TIAM2: variants seen among roughly 807,000 people sequenced by gnomAD.
TIAM2 encodes TIAM Rac1 associated GEF 2.
TIAM2 carries 80 observed loss-of-function variants against 152.9 expected under a neutral mutation model. The ratio of observed to expected loss-of-function variants is 0.52; its 90% confidence interval spans 0.44 to 0.63. The LOEUF is 0.63. Ranked by LOEUF, TIAM2 falls within the 30% of genes least tolerant of loss-of-function variation. The probability of loss-of-function intolerance (pLI) is 0.00; values close to 1 mark genes in which losing one functional copy is unlikely to be tolerated. For synonymous variants in TIAM2, 804 were observed against 838.0 expected, an observed-to-expected ratio of 0.96 and a Z score of 0.70; for missense variants, 1,965 against 2,120.1, an observed-to-expected ratio of 0.93 and a Z score of 1.44.
intron 1 of TIAM2, among the ~76,000 whole-genome samples, chr6:155,039,873 A>G (rs1262606719): frequency 6.6e-6 from 1 of 152,256 alleles, no homozygotes; most frequent in Non-Finnish European, 1.5e-5. Flanking sequence ...AGTGTGTTAA[A>G]TTCAGAAGAC....
chr6:155,223,547 T>C (rs1782133319), intron 15 of TIAM2, among the ~76,000 whole-genome samples: 1 of 142,694 alleles, frequency 7.0e-6, no homozygotes, highest in Non-Finnish European at 1.5e-5. Context: ...TTTTTTTTAC[T>C]CTGCACTTCA....
At chr6:155,064,479 G>C (rs1215558226) in intron 1 of TIAM2, among the ~76,000 whole-genome samples, 1 of 152,170 alleles carries the variant, frequency 6.6e-6, no homozygotes, top group Admixed American at 6.5e-5. Flanking sequence ...GTTTGAGCTG[G>C]AATTTGGCCT....
chr6:155,002,693 A>T (rs1778332253), intron 1 of TIAM2, among the ~76,000 whole-genome samples: 1 of 151,722 alleles, frequency 6.6e-6, no homozygotes, highest in Non-Finnish European at 1.5e-5. Context: ...TTATTTATTT[A>T]TTTTTGACAC....
In TIAM2 at chr6:155,100,865, A is replaced by G. The variant is rs141064300; in HGVS notation, c.-118+10486A>G. Among the ~76,000 whole-genome samples, 1,111 of 152,302 alleles carry G rather than the reference A, an allele frequency of 7.3e-3. 16 individuals carry two copies. Among genetic ancestry groups the G allele is most frequent in the African/African-American group, 0.025 (1,041 of 41,560 alleles). On this transcript the variant is annotated intron_variant, in intron 2 of 26. Coordinates refer to ENST00000682666, the MANE Select transcript of TIAM2 (RefSeq NM_012454.4). ...AGTGTCACATACGAAACTGAGGCGC[A>G]GAGAAATTAAATGATGTGTCCAGTG...
chr6:155,220,744 TAATC>T (rs1205285012), intron 15 of TIAM2, among the ~76,000 whole-genome samples: 6 of 152,214 alleles, frequency 3.9e-5, no homozygotes, highest in African/African-American at 1.4e-4. Context: ...TTATAGAAAA[TAATC>T]AAGCGTGTCT....
At chr6:155,031,682 C>G (rs1255044949) in intron 1 of TIAM2, among the ~76,000 whole-genome samples, 3 of 152,112 alleles carry the variant, frequency 2.0e-5, no homozygotes, top group Non-Finnish European at 4.4e-5. Flanking sequence ...TGAGATCACA[C>G]CATTGCACTC....
intron 1 of TIAM2, among the ~76,000 whole-genome samples, chr6:155,083,492 G>A (rs962788513): frequency 9.2e-5 from 14 of 152,130 alleles, no homozygotes; most frequent in Admixed American, 2.0e-4. Context: ...TTTCTAATGT[G>A]CAATGTGATT....
At chr6:155,237,141 A>T (rs1782804734) in intron 15 of TIAM2, among the ~76,000 whole-genome samples, 1 of 152,244 alleles carries the variant, frequency 6.6e-6, no homozygotes, top group Admixed American at 6.5e-5. Flanking sequence ...GGGTAAATAC[A>T]GCCATTCCAA....
chr6:155,063,273 A>G (rs1370290752), intron 1 of TIAM2, among the ~76,000 whole-genome samples: 2 of 152,126 alleles, frequency 1.3e-5, no homozygotes, highest in African/African-American at 4.8e-5. Flanking sequence ...TTTTTCCACA[A>G]TCAACTAAAA....
chr6:155,202,605 T>A (rs1781499747), intron 14 of TIAM2, among the ~76,000 whole-genome samples: 3 of 148,188 alleles, frequency 2.0e-5, no homozygotes, highest in Admixed American at 6.7e-5. Flanking sequence ...TTTTTTTTTT[T>A]AATAGAGATG....
At chr6:155,052,981 C>A (rs1436780309) in intron 1 of TIAM2, among the ~76,000 whole-genome samples, 1 of 151,978 alleles carries the variant, frequency 6.6e-6, no homozygotes, top group Non-Finnish European at 1.5e-5. Context: ...TAATGAGTAT[C>A]TGTTGAATGA....
Position 155,244,153 on chromosome 6 carries a change from T to C in TIAM2, c.3417+74T>C. On this transcript the variant is annotated intron_variant, in intron 17 of 26. Transcript: ENST00000682666. ...TGTTTGCCTTTTAGCAGAACTCCTA[T>C]GAGAGTATCTCTGTTGATCCCAAAA... 2.2e-6 allele frequency: 3 copies of C among 1,349,318 alleles called. No homozygotes were observed. In the South Asian group the frequency reaches 3.5e-5, roughly 16 times the overall value. The allele number at this position is 1,349,318 out of a possible 1,614,324, so 83.6% of individuals were successfully genotyped here.
At chr6:155,089,334 G>T (rs1482842458) in intron 1 of TIAM2, among the ~76,000 whole-genome samples, 1 of 152,112 alleles carries the variant, frequency 6.6e-6, no homozygotes, top group Non-Finnish European at 1.5e-5. Context: ...AGCCTCCCAA[G>T]TAGTGGGGAC....
chr6:155,018,145 G>A (rs1315343637), intron 1 of TIAM2, among the ~76,000 whole-genome samples: 2 of 151,940 alleles, frequency 1.3e-5, no homozygotes, highest in African/African-American at 4.8e-5. Context: ...GGCTGAGGCG[G>A]GAGGATCACT....
chr6:155,023,328 G>A lies in TIAM2; in HGVS notation c.-209+27836G>A, dbSNP rs895644509. ...ACGGACAAAACTCTGCCACGAGGGC[G>A]GTTGTTGATGGGTCAATGTGAGAGA... On this transcript the variant is annotated intron_variant, in intron 1 of 26. Transcript: ENST00000682666. Among the ~76,000 whole-genome samples the A allele has an allele frequency of 1.2e-4, 19 of 152,158 alleles. 1 individual carries two copies. The highest frequency in any genetic ancestry group is 3.6e-4 in the African/African-American group (15 of 41,414).
At chr6:155,089,246 GT>G (rs1385570932) in intron 1 of TIAM2, among the ~76,000 whole-genome samples, 1 of 151,860 alleles carries the variant, frequency 6.6e-6, no homozygotes, top group African/African-American at 2.4e-5. Flanking sequence ...GGGGGATGGA[GT>G]CTCTCTGTCA....
chr6:155,063,639 G>A (rs1777632660), intron 1 of TIAM2, among the ~76,000 whole-genome samples: 1 of 151,994 alleles, frequency 6.6e-6, no homozygotes, highest in Non-Finnish European at 1.5e-5. Context: ...AAAATTAGCT[G>A]GGCGTGGTGG....
At chr6:155,241,192 C>T (rs1396370738) in intron 16 of TIAM2, among the ~76,000 whole-genome samples, 1 of 152,190 alleles carries the variant, frequency 6.6e-6, no homozygotes, top group Non-Finnish European at 1.5e-5. Context: ...TGGGAATATC[C>T]TTGCACCATT....
intron 1 of TIAM2, among the ~76,000 whole-genome samples, chr6:155,056,104 A>AT (rs1163876790): frequency 1.4e-5 from 2 of 147,328 alleles, no homozygotes; most frequent in Non-Finnish European, 1.5e-5. Flanking sequence ...TAATTTTTAA[A>AT]TTTTTTTCTG....
Sources: gnomAD v4.1 joint callset for allele counts (sites outside exome capture counted in the v4.1 genomes callset) on GRCh38, gnomAD v4.1.1 for gene constraint, MANE v1.5 for transcripts, NCBI Gene and HGNC (gene_info 2026-07-23, HGNC 2026-07-21) for gene names.